RGMA: variants seen among roughly 807,000 people sequenced by gnomAD.
RGMA encodes repulsive guidance molecule A.
In RGMA, 10 loss-of-function variants were observed where a neutral mutation model predicts 23.2. That is an observed-to-expected ratio of 0.43 (90% CI 0.27 to 0.73). The LOEUF (loss-of-function observed/expected upper bound fraction) is 0.73. Ranked by LOEUF, RGMA falls within the 30% of genes least tolerant of loss-of-function variation. RGMA has a pLI of 0.20. For missense variants in RGMA, 547 were observed against 630.5 expected (o/e 0.87, Z 1.42); for synonymous variants, 308 against 279.3 (o/e 1.10, Z -1.03).
At chr15:93,065,239 G>A (rs1270713941) in intron 2 of RGMA, among the ~76,000 whole-genome samples, 1 of 152,000 alleles carries the variant, frequency 6.6e-6, no homozygotes, top group East Asian at 1.9e-4. Flanking sequence ...AATGGCTTCA[G>A]AGGTTGGGGG....
chr15:93,077,486 C>T (rs1486736031), intron 1 of RGMA, among the ~76,000 whole-genome samples: 2 of 152,096 alleles, frequency 1.3e-5, no homozygotes, highest in Non-Finnish European at 2.9e-5. Context: ...CAGTTTCTGC[C>T]CCTTGGGATT....
chr15:93,051,230 G>C (rs754093539), intron 3 of RGMA, among the ~76,000 whole-genome samples: 2 of 152,226 alleles, frequency 1.3e-5, no homozygotes, highest in Non-Finnish European at 2.9e-5. Flanking sequence ...GGGTGTGGAG[G>C]GGTGGGAAGG....
Position 93,052,388 on chromosome 15 carries a change from G to A in RGMA, c.250C>T (p.Leu84=). The A allele has an allele frequency of 6.3e-7, 1 of 1,599,950 alleles. No homozygotes were observed. Among genetic ancestry groups the A allele is most frequent in the African/African-American group, 1.3e-5 (1 of 75,038 alleles). ...GTGCGGGCCGTCCGCCGCGTGCACA[G>A]GGCGTAGCTGCGCAAGGCTGCACAG... ...EFCAALRSYA[L]CTRRTARTCR... Residue 84 remains leucine, a synonymous_variant, in exon 3 of 4, where the codon CTG becomes TTG. Transcript: ENST00000329082.
intron 1 of RGMA, among the ~76,000 whole-genome samples, chr15:93,087,475 A>AAAAC (rs1243931665): frequency 6.6e-6 from 1 of 150,772 alleles, no homozygotes; most frequent in Non-Finnish European, 1.5e-5. Context: ...AAAAAAAAAA[A>AAAAC]AAAAAAAAAC....
chr15:93,068,192 G>A (rs375209424), intron 2 of RGMA, among the ~76,000 whole-genome samples: 1 of 152,180 alleles, frequency 6.6e-6, no homozygotes, highest in Non-Finnish European at 1.5e-5. Context: ...GGGATAAGTT[G>A]GCTACCTTCA....
At chr15:93,083,364 A>G (rs949999520) in intron 1 of RGMA, among the ~76,000 whole-genome samples, 5 of 152,130 alleles carry the variant, frequency 3.3e-5, no homozygotes, top group African/African-American at 9.7e-5. Context: ...GTCTCACTCT[A>G]TCATCCAGGC....
At chr15:93,048,963 T>C (rs2054873595) in intron 3 of RGMA, among the ~76,000 whole-genome samples, 1 of 152,192 alleles carries the variant, frequency 6.6e-6, no homozygotes, top group South Asian at 2.1e-4. Flanking sequence ...CAGGAAAGGC[T>C]GGTTTCGCTC....
At chr15:93,071,227 CA>C (rs1409922290) in intron 2 of RGMA, among the ~76,000 whole-genome samples, 2 of 152,346 alleles carry the variant, frequency 1.3e-5, no homozygotes, top group East Asian at 3.9e-4. Flanking sequence ...ACACAAATTG[CA>C]AACTCCTGCT....
chr15:93,056,287 T>TTCAGAGAAGGGGGCTGGTGGCGAAGG (rs1567184547), intron 2 of RGMA, among the ~76,000 whole-genome samples: 8 of 151,948 alleles, frequency 5.3e-5, no homozygotes, highest in Admixed American at 6.5e-5. Flanking sequence ...GGTGGCGAAG[T>TTCAGAGAAGGGGGCTGGTGGCGAAGG]TTCAGAGAAG....
chr15:93,061,076 C>T (rs1894944550), intron 2 of RGMA, among the ~76,000 whole-genome samples: 1 of 152,256 alleles, frequency 6.6e-6, no homozygotes, highest in African/African-American at 2.4e-5. Flanking sequence ...GGCCTCTTCC[C>T]CACTTGCATG....
chr15:93,066,127 T>A (rs769774187), intron 2 of RGMA: 1 of 1,364,392 alleles, frequency 7.3e-7, no homozygotes, highest in East Asian at 2.3e-5. Context: ...ACAGCTGCCC[T>A]TCACGGGCAC....
intron 2 of RGMA, among the ~76,000 whole-genome samples, chr15:93,060,346 T>C (rs1220753568): frequency 6.6e-6 from 1 of 152,240 alleles, no homozygotes; most frequent in African/African-American, 2.4e-5. Flanking sequence ...TCTTGAGGCC[T>C]TGAATTTTCC....
At chr15:93,046,879 C>G (rs1456292385) in intron 3 of RGMA, among the ~76,000 whole-genome samples, 1 of 147,584 alleles carries the variant, frequency 6.8e-6, no homozygotes, top group Non-Finnish European at 1.5e-5. Flanking sequence ...GACTGAGCTG[C>G]TGGAGCAGCA....
intron 2 of RGMA, among the ~76,000 whole-genome samples, chr15:93,058,517 T>C (rs1052020808): frequency 1.4e-4 from 21 of 152,372 alleles, no homozygotes; most frequent in African/African-American, 4.6e-4. Flanking sequence ...TGGGAGAGGC[T>C]GAGCTTAACT....
chr15:93,079,906 G>C (rs538533489), intron 1 of RGMA, among the ~76,000 whole-genome samples: 1 of 152,298 alleles, frequency 6.6e-6, no homozygotes, highest in South Asian at 2.1e-4. Flanking sequence ...GGTGCCACAT[G>C]AAAGGACAGT....
Position 93,043,513 on chromosome 15 carries a change from C to G in RGMA, c.*1485G>C, listed in dbSNP as rs1317176265. 1 of 152,498 alleles carries G rather than the reference C, an allele frequency of 6.6e-6. No homozygotes were observed. Among genetic ancestry groups the G allele is most frequent in the Admixed American group, 6.5e-5 (1 of 15,282 alleles). 9.4% of individuals were successfully genotyped at this position (152,498 alleles called of 1,614,324 possible). A position where few individuals can be genotyped will look rare whatever the true frequency, so the allele number is the denominator to read the frequency against. On this transcript the variant is annotated 3_prime_UTR_variant, in exon 4 of 4. Coordinates refer to ENST00000329082, the MANE Select transcript of RGMA (RefSeq NM_020211.3). ...TCCACACAGGTCGCAGACACGTGGA[C>G]GCAGTGAGGGGTCCCCACTTCCAAG...
At chr15:93,082,690 T>A (rs1172138882) in intron 1 of RGMA, among the ~76,000 whole-genome samples, 1 of 152,196 alleles carries the variant, frequency 6.6e-6, no homozygotes, top group Non-Finnish European at 1.5e-5. Context: ...TAAAAACTTT[T>A]TAAGAAGAGA....
At chr15:93,087,707 C>T (rs1311773177) in intron 1 of RGMA, among the ~76,000 whole-genome samples, 1 of 152,202 alleles carries the variant, frequency 6.6e-6, no homozygotes, top group East Asian at 1.9e-4. Flanking sequence ...GCGGAAGGGG[C>T]ATCTTCTTAC....
Position 93,045,644 on chromosome 15 carries a change from A to C in RGMA, c.707T>G (p.Met236Arg). The C allele has an allele frequency of 1.2e-6, 2 of 1,611,156 alleles. No individual in the cohort carries two copies. Among genetic ancestry groups the C allele is most frequent in the Non-Finnish European group, 1.7e-6 (2 of 1,179,878 alleles). The change falls in exon 4 of 4, where the codon ATG (methionine) becomes AGG (arginine). Residue 236 changes from methionine to arginine, a missense_variant. This residue lies in a region of RGMA where 128 missense variants were observed against 191.7 expected (regional missense o/e 0.67). Coordinates refer to ENST00000329082, the MANE Select transcript of RGMA (RefSeq NM_020211.3). The surrounding 1 kb of genome is among the most constrained non-coding windows in gnomAD (Gnocchi z 6.9). Reference protein sequence around the residue: ...CVDQKVYQAEMDELPAAFVDG... With the variant: ...CVDQKVYQAERDELPAAFVDG... ...CACGAAGGCGGCCGGGAGCTCGTCC[A>C]TCTCAGCCTGGTACACCTTCTGGTC...
Sources: allele counts gnomAD v4.1 joint callset (sites outside exome capture counted in the v4.1 genomes callset), GRCh38; gene constraint gnomAD v4.1.1; regional missense constraint gnomAD v4.1.1; non-coding constraint Gnocchi (gnomAD v3.1); transcripts MANE v1.5; gene names NCBI Gene and HGNC (gene_info 2026-07-23, HGNC 2026-07-21).